The following PRTFDC1 variants were observed in gnomAD, a reference collection of about 807,000 sequenced individuals.
PRTFDC1 encodes the protein phosphoribosyltransferase domain-containing protein 1.
Under a neutral mutation model 34.6 loss-of-function variants are expected in PRTFDC1, and 38 were observed. That is an observed-to-expected ratio of 1.10 (90% CI 0.85 to 1.44). The LOEUF (loss-of-function observed/expected upper bound fraction) is 1.44. PRTFDC1 is among the 40% of genes most tolerant of loss of function. PRTFDC1 has a pLI of 0.00. For missense variants in PRTFDC1, 270 were observed against 283.0 expected (o/e 0.95, Z 0.33); for synonymous variants, 93 against 98.1 (o/e 0.95, Z 0.31).
chr10:24,933,278 T>A (rs1848996540), intron 3 of PRTFDC1, among the ~76,000 whole-genome samples: 1 of 152,030 alleles, frequency 6.6e-6, no homozygotes, highest in Non-Finnish European at 1.5e-5. Context: ...TAAAAAATTT[T>A]TTAATAATGC....
intron 3 of PRTFDC1, among the ~76,000 whole-genome samples, chr10:24,926,841 T>C (rs1307568609): frequency 2.0e-5 from 3 of 152,244 alleles, no homozygotes; most frequent in Admixed American, 6.5e-5. Flanking sequence ...CTCTCAACAC[T>C]GGATTGATAC....
chr10:24,930,184 C>T (rs923611694), intron 3 of PRTFDC1, among the ~76,000 whole-genome samples: 7 of 152,090 alleles, frequency 4.6e-5, no homozygotes, highest in Non-Finnish European at 8.8e-5. Context: ...AAGCCTGAAG[C>T]TCAAGGTTCT....
At chr10:24,899,244 A>T (rs547129886) in intron 3 of PRTFDC1, among the ~76,000 whole-genome samples, 1 of 152,204 alleles carries the variant, frequency 6.6e-6, no homozygotes, top group African/African-American at 2.4e-5. Flanking sequence ...CCACCCCCCA[A>T]TTTGTGTCTC....
At chr10:24,886,371 T>G (rs759715783) in intron 3 of PRTFDC1, among the ~76,000 whole-genome samples, 2 of 152,174 alleles carry the variant, frequency 1.3e-5, no homozygotes, top group African/African-American at 4.8e-5. Context: ...TTAAGTAACT[T>G]TGCCCAAGTT....
chr10:24,878,104 C>T (rs1474567043), intron 3 of PRTFDC1, among the ~76,000 whole-genome samples: 1 of 151,996 alleles, frequency 6.6e-6, no homozygotes, highest in Non-Finnish European at 1.5e-5. Context: ...GAAACCCCAT[C>T]TCTACTAAAA....
chr10:24,924,969 G>A (rs910165153), intron 3 of PRTFDC1, among the ~76,000 whole-genome samples: 2 of 152,164 alleles, frequency 1.3e-5, no homozygotes, highest in African/African-American at 4.8e-5. Context: ...CCATTACTGG[G>A]TATATACCCA....
rs572487770 is a variant in PRTFDC1 at position 24,885,292 on chromosome 10, A to G, written c.340-13229T>C. On this transcript the variant is annotated intron_variant, in intron 3 of 8. Coordinates refer to ENST00000320152, the MANE Select transcript of PRTFDC1 (RefSeq NM_020200.7). ...TGCCTGGCACATTAGTAAGCACATT[A>G]CTTACATGAATCCTAACACAGTCCT... Among the ~76,000 whole-genome samples the G allele has an allele frequency of 6.4e-4, 98 of 152,350 alleles. 1 individual carries two copies. Among genetic ancestry groups the G allele is most frequent in the African/African-American group, 2.3e-3 (96 of 41,582 alleles).
intron 3 of PRTFDC1, among the ~76,000 whole-genome samples, chr10:24,922,023 C>T (rs1022229545): frequency 1.3e-5 from 2 of 152,174 alleles, no homozygotes; most frequent in African/African-American, 4.8e-5. Context: ...TTTCCCCAAA[C>T]CATTTTATTA....
chr10:24,863,804 G>A (rs7906486), intron 4 of PRTFDC1, among the ~76,000 whole-genome samples: 3,674 of 152,102 alleles, frequency 0.024, 156 homozygotes, highest in African/African-American at 0.084. Context: ...GGCCAAGGGC[G>A]GTGGCTGCTA....
chr10:24,910,480 T>C (rs998666625), intron 3 of PRTFDC1, among the ~76,000 whole-genome samples: 2 of 152,214 alleles, frequency 1.3e-5, no homozygotes, highest in African/African-American at 4.8e-5. Context: ...AAATACAGTG[T>C]ATGATCTTAG....
chr10:24,924,603 A>G (rs536369216), intron 3 of PRTFDC1, among the ~76,000 whole-genome samples: 1 of 152,326 alleles, frequency 6.6e-6, no homozygotes, highest in African/African-American at 2.4e-5. Flanking sequence ...AGAATCTACA[A>G]AGAACTTAAA....
At chr10:24,891,817 A>C (rs1455375873) in intron 3 of PRTFDC1, among the ~76,000 whole-genome samples, 1 of 152,132 alleles carries the variant, frequency 6.6e-6, no homozygotes, top group Admixed American at 6.5e-5. Context: ...GATACTAGAC[A>C]TCAAGCAATA....
chr10:24,893,579 C>G (rs56928079), intron 3 of PRTFDC1, among the ~76,000 whole-genome samples: 7,445 of 152,170 alleles, frequency 0.049, 576 homozygotes, highest in African/African-American at 0.17. Flanking sequence ...TACAGTGCTG[C>G]AACAACAGGA....
intron 3 of PRTFDC1, among the ~76,000 whole-genome samples, chr10:24,905,469 G>A (rs558519424): frequency 2.0e-5 from 3 of 151,906 alleles, no homozygotes; most frequent in East Asian, 3.9e-4. Context: ...TTGCAGGCAC[G>A]TGCCACCACT....
chr10:24,942,353 G>A lies in PRTFDC1; in HGVS notation c.132C>T (p.Ile44=), dbSNP rs1849175000. 1.2e-6 allele frequency: 2 copies of A among 1,612,386 alleles called. No individual in the cohort carries two copies. The highest frequency in any genetic ancestry group is 2.7e-5 in the African/African-American group (2 of 74,874). ...ACCTGTCCACAATGATACCATGAGG[G>A]ATGAGGACATACTCCAAGTCTCCAT... The part of the protein sequence containing the change: ...HYYGDLEYVL[I]PHGIIVDRIE... Residue 44 remains isoleucine, a synonymous_variant, in exon 2 of 9, where the codon ATC becomes ATT. Coordinates refer to ENST00000320152, the MANE Select transcript of PRTFDC1 (RefSeq NM_020200.7).
rs369687026 is a variant in PRTFDC1 at position 24,856,260 on chromosome 10, C to G, written c.506+653G>C. 5.0e-4 allele frequency among the ~76,000 whole-genome samples: 75 copies of G among 149,634 alleles called. 1 individual carries two copies. The East Asian group carries it at 0.013, about 27-fold the overall frequency. ...CTCCAGCTTGGGCTGGGCGACAGAGCAAGACCCTGTCTCATATTAAAGAAT... is the reference window on the plus strand; with the variant it reads ...CTCCAGCTTGGGCTGGGCGACAGAGGAAGACCCTGTCTCATATTAAAGAAT... On this transcript the variant is annotated intron_variant, in intron 6 of 8. Transcript: ENST00000320152.
At chr10:24,935,287 G>A (rs1849032293) in intron 3 of PRTFDC1, among the ~76,000 whole-genome samples, 2 of 152,192 alleles carry the variant, frequency 1.3e-5, no homozygotes, top group Middle Eastern at 3.4e-3. Flanking sequence ...TAAGGGTCAG[G>A]GCCAAGTGAA....
At chr10:24,949,469 T>A (rs2132624830) in intron 1 of PRTFDC1, among the ~76,000 whole-genome samples, 1 of 152,252 alleles carries the variant, frequency 6.6e-6, no homozygotes, top group Admixed American at 6.5e-5. Flanking sequence ...ACTCATCCTC[T>A]CCAGCTCTCC....
At chr10:24,882,204 C>CAAAAAAAAAAAAAAAA (rs10651020) in intron 3 of PRTFDC1, among the ~76,000 whole-genome samples, 6 of 107,484 alleles carry the variant, frequency 5.6e-5, no homozygotes, top group East Asian at 5.0e-4. Flanking sequence ...GGATCTGCCT[C>CAAAAAAAAAAAAAAAA]AAAAAAAAAA....
Sources: allele counts gnomAD v4.1 joint callset (sites outside exome capture counted in the v4.1 genomes callset), GRCh38; gene constraint gnomAD v4.1.1; transcripts MANE v1.5; gene names NCBI Gene and HGNC (gene_info 2026-07-23, HGNC 2026-07-21).